MSH3: variants seen among roughly 807,000 people sequenced by gnomAD.
The protein encoded by MSH3 is mutS homolog 3.
In MSH3, 106 loss-of-function variants were observed where a neutral mutation model predicts 123.3. The ratio of observed to expected loss-of-function variants is 0.86; its 90% CI spans 0.73 to 1.01. The LOEUF (loss-of-function observed/expected upper bound fraction) is 1.01, where lower values mean the gene tolerates loss of function less well. Among genes scored for constraint, MSH3 ranks in the 50% least tolerant of loss-of-function variants. MSH3 has a pLI of 0.00. For synonymous variants in MSH3, 515 were observed against 481.4 expected, an observed-to-expected ratio of 1.07 and a Z score of -0.91; for missense variants, 1,459 against 1,347.6, an observed-to-expected ratio of 1.08 and a Z score of -1.29.
intron 10 of MSH3, among the ~76,000 whole-genome samples, chr5:80,736,442 T>G (rs1743509654): frequency 6.6e-6 from 1 of 152,168 alleles, no homozygotes; most frequent in East Asian, 1.9e-4. Flanking sequence ...GTAATACATA[T>G]AGTTTTAGAG....
chr5:80,655,997 T>C (rs1265555234), intron 1 of MSH3, among the ~76,000 whole-genome samples: 1 of 152,216 alleles, frequency 6.6e-6, no homozygotes, highest in Non-Finnish European at 1.5e-5. Flanking sequence ...GCAGTGAACA[T>C]GTCAAAAATG....
At chr5:80,716,133 G>A (rs561464666) in intron 8 of MSH3, among the ~76,000 whole-genome samples, 2 of 152,312 alleles carry the variant, frequency 1.3e-5, no homozygotes, top group East Asian at 3.9e-4. Flanking sequence ...AGCCATAAGA[G>A]TAGCTGGTAG....
intron 18 of MSH3, among the ~76,000 whole-genome samples, chr5:80,790,681 GT>G (rs952795990): frequency 3.9e-5 from 6 of 152,178 alleles, no homozygotes; most frequent in Non-Finnish European, 5.9e-5. Flanking sequence ...TTCCAAGAAG[GT>G]ATAAAAGAAG....
chr5:80,815,577 T>C (rs1287280511), intron 20 of MSH3, among the ~76,000 whole-genome samples: 1 of 152,182 alleles, frequency 6.6e-6, no homozygotes, highest in Non-Finnish European at 1.5e-5. Flanking sequence ...TTCACTGGCC[T>C]TTCCCTCAGA....
At chr5:80,773,876 T>C (rs1744254325) in intron 15 of MSH3, among the ~76,000 whole-genome samples, 4 of 152,196 alleles carry the variant, frequency 2.6e-5, no homozygotes, top group Admixed American at 2.6e-4. Context: ...CAAGTGATTC[T>C]CCTGCCTCAG....
chr5:80,865,047 A>C, intron 22 of MSH3, 105 bp downstream of exon 22: 1 of 1,130,566 alleles, frequency 8.8e-7, no homozygotes, highest in Non-Finnish European at 1.3e-6. Context: ...AAAGCTGTGA[A>C]TGTGAGCTAT....
At position 80,654,913 on chromosome 5, in the gene MSH3, GCCCCCAGCGCCCCCAGCTCCCGCCTTCCC is replaced by G; in HGVS notation, c.187_215del (p.Pro63AlafsTer12). Reference sequence around the variant, plus strand: ...CTGCAGCGGCCGCAGCGGCCGCAGCGCCCCCAGCGCCCCCAGCTCCCGCCTTCCCGCCCCAGCTGCCGCCGCACATAGTA... The same window carrying G: ...CTGCAGCGGCCGCAGCGGCCGCAGCGGCCCCAGCTGCCGCCGCACATAGTA... On this transcript the variant is annotated frameshift_variant, in exon 1 of 24. Coordinates refer to ENST00000265081, the MANE Select transcript of MSH3 (RefSeq NM_002439.5). LOFTEE classifies it high-confidence loss of function. 6.7e-7 allele frequency: 1 copy of G among 1,499,596 alleles called. No individual in the cohort carries two copies. The highest frequency in any genetic ancestry group is 8.8e-7 in the Non-Finnish European group (1 of 1,131,982). 92.9% of individuals were successfully genotyped at this position (1,499,596 alleles called of 1,614,324 possible). A position where few individuals can be genotyped will look rare whatever the true frequency, so the allele number is the denominator to read the frequency against.
intron 23 of MSH3, among the ~76,000 whole-genome samples, chr5:80,874,846 A>G (rs575717900): frequency 1.7e-4 from 26 of 152,360 alleles, no homozygotes; most frequent in African/African-American, 5.8e-4. Flanking sequence ...TTTGAACTCT[A>G]TGAAGTTATC....
chr5:80,658,037 CT>C lies in MSH3; in HGVS notation c.358+1519del, dbSNP rs397942439. On this transcript the variant is annotated intron_variant, in intron 2 of 23. Transcript: ENST00000265081. Reference sequence around the variant, plus strand: ...TTTTCCTAAGAATGCTTTTTGCCCTCTTTTTTTTTTTTTGAGATAGGGTCTC... The same window carrying C: ...TTTTCCTAAGAATGCTTTTTGCCCTCTTTTTTTTTTTTGAGATAGGGTCTC... Among the ~76,000 whole-genome samples, 112 of 116,554 alleles carry C rather than the reference CT, an allele frequency of 9.6e-4. 4 individuals are homozygous for C. The highest frequency in any genetic ancestry group is 4.4e-3 in the Middle Eastern group (1 of 226). 76.5% of individuals were successfully genotyped at this position (116,554 alleles called of 152,430 possible).
chr5:80,707,882 A>G (rs1750758342), intron 8 of MSH3, among the ~76,000 whole-genome samples: 1 of 152,138 alleles, frequency 6.6e-6, no homozygotes, highest in Non-Finnish European at 1.5e-5. Context: ...TAGTTAGTGT[A>G]TGGTGTCATG....
At chr5:80,819,086 T>A (rs1351931639) in intron 20 of MSH3, among the ~76,000 whole-genome samples, 2 of 151,944 alleles carry the variant, frequency 1.3e-5, no homozygotes, top group East Asian at 3.9e-4. Flanking sequence ...TTGACCCAAA[T>A]AAGCTTTTTT....
chr5:80,837,061 A>C (rs1745527495), intron 20 of MSH3, among the ~76,000 whole-genome samples: 1 of 152,174 alleles, frequency 6.6e-6, no homozygotes, highest in Non-Finnish European at 1.5e-5. Flanking sequence ...GACCACACAG[A>C]GGGTCTTGAA....
At chr5:80,870,199 T>G (rs1299521418) in intron 22 of MSH3, among the ~76,000 whole-genome samples, 1 of 147,542 alleles carries the variant, frequency 6.8e-6, no homozygotes. Context: ...AAAAAATTCA[T>G]TAACAAATTT....
Position 80,658,035 on chromosome 5 carries a change from C to CCTTTTTTTTTT in MSH3, c.358+1504_358+1505insCTTTTTTTTTT, listed in dbSNP as rs369384745. 4.2e-4 allele frequency among the ~76,000 whole-genome samples: 37 copies of CCTTTTTTTTTT among 87,198 alleles called. 3 individuals carry two copies. Among genetic ancestry groups the CCTTTTTTTTTT allele is most frequent in the African/African-American group, 1.6e-3 (30 of 19,288 alleles). 57.2% of individuals were successfully genotyped at this position (87,198 alleles called of 152,430 possible). A position where few individuals can be genotyped will look rare whatever the true frequency, so the allele number is the denominator to read the frequency against. On this transcript the variant is annotated intron_variant, in intron 2 of 23. Transcript: ENST00000265081. ...ATTTTTCCTAAGAATGCTTTTTGCCCTCTTTTTTTTTTTTTGAGATAGGGT... is the reference window on the plus strand; with the variant it reads ...ATTTTTCCTAAGAATGCTTTTTGCCCCTTTTTTTTTTTCTTTTTTTTTTTTTGAGATAGGGT...
intron 8 of MSH3, among the ~76,000 whole-genome samples, chr5:80,717,096 A>G (rs541616287): frequency 2.0e-5 from 3 of 152,084 alleles, no homozygotes; most frequent in Non-Finnish European, 2.9e-5. Flanking sequence ...CATTTTCATT[A>G]TCTGTTCATC....
intron 8 of MSH3, among the ~76,000 whole-genome samples, chr5:80,712,493 A>G (rs1296605154): frequency 2.6e-5 from 4 of 152,082 alleles, no homozygotes; most frequent in Admixed American, 6.5e-5. Flanking sequence ...CACCTAATAT[A>G]TACCTCTAGG....
intron 8 of MSH3, among the ~76,000 whole-genome samples, chr5:80,699,239 C>T (rs1750552221): frequency 6.6e-6 from 1 of 152,060 alleles, no homozygotes; most frequent in South Asian, 2.1e-4. Flanking sequence ...CTTAACAAAA[C>T]TGATTTGGGT....
In MSH3 at chr5:80,656,836, A is replaced by G. The variant is rs189571735; in HGVS notation, c.358+305A>G. Among the ~76,000 whole-genome samples the G allele has an allele frequency of 3.3e-5, 5 of 152,316 alleles. No homozygotes were observed. In the East Asian group the frequency reaches 9.6e-4, roughly 29 times the overall value. On this transcript the variant is annotated intron_variant, in intron 2 of 23. Transcript: ENST00000265081. ...GCTACAGAAATTTCAAACAGTACAG[A>G]AATGTGGAAGGTAGGCAGTGATAGA...
intron 2 of MSH3, among the ~76,000 whole-genome samples, chr5:80,657,094 G>C (rs890306132): frequency 6.6e-6 from 1 of 151,780 alleles, no homozygotes; most frequent in African/African-American, 2.4e-5. Context: ...TACTCTCCCC[G>C]CTTTTTTTTG....
Sources: allele counts gnomAD v4.1 joint callset (sites outside exome capture counted in the v4.1 genomes callset), GRCh38; gene constraint gnomAD v4.1.1; transcripts MANE v1.5; gene names NCBI Gene and HGNC (gene_info 2026-07-23, HGNC 2026-07-21).